KLHL2: variants seen among roughly 807,000 people sequenced by gnomAD.
KLHL2 encodes the protein kelch like family member 2.
In KLHL2, 15 loss-of-function variants were observed where a neutral mutation model predicts 75.8. The ratio of observed to expected loss-of-function variants is 0.20; its 90% CI spans 0.13 to 0.30. KLHL2 has a LOEUF of 0.30. Among genes scored for constraint, KLHL2 ranks in the 10% least tolerant of loss-of-function variants. The probability of loss-of-function intolerance (pLI) is 1.00; values close to 1 mark genes in which losing one functional copy is unlikely to be tolerated. For synonymous variants in KLHL2, 214 were observed against 251.9 expected (o/e 0.85, Z 1.42); for missense variants, 381 against 741.0 (o/e 0.51, Z 5.64).
Position 165,263,339 on chromosome 4 carries a change from A to G in KLHL2, c.524A>G (p.Asn175Ser), listed in dbSNP as rs1358764564. 1 of 1,613,960 alleles carries G rather than the reference A, an allele frequency of 6.2e-7. No individual in the cohort carries two copies. The highest frequency in any genetic ancestry group is 2.2e-5 in the East Asian group (1 of 44,888). ...ATGCATGCATGTACCGACCTTCTGA[A>G]CAAGGCCAACACCTATGCAGGCAAG... The part of the protein sequence containing the change: ...ADMHACTDLL[N>S]KANTYAEQHF... Residue 175 changes from asparagine to serine, a missense_variant, in exon 5 of 15, where the codon AAC becomes AGC. Physicochemically the swap from Asn to Ser is conservative, Grantham distance 46. This residue lies in a region of KLHL2 where 51 missense variants were observed against 101.3 expected (regional missense o/e 0.50). Transcript: ENST00000226725.
At chr4:165,224,808 G>C (rs1738304487) in intron 2 of KLHL2, among the ~76,000 whole-genome samples, 1 of 151,998 alleles carries the variant, frequency 6.6e-6, no homozygotes, top group Non-Finnish European at 1.5e-5. Context: ...AGAGTAAATG[G>C]GATATCCATG....
At chr4:165,304,986 G>A (rs1036536504) in intron 8 of KLHL2, among the ~76,000 whole-genome samples, 4 of 152,132 alleles carry the variant, frequency 2.6e-5, no homozygotes, top group African/African-American at 9.7e-5. Context: ...AGACTTTTAT[G>A]TATTTGTTCA....
At chr4:165,208,140 CG>C (rs1736958734) in intron 1 of KLHL2, among the ~76,000 whole-genome samples, 1 of 151,980 alleles carries the variant, frequency 6.6e-6, no homozygotes, top group African/African-American at 2.4e-5. Context: ...TTCCCCATCT[CG>C]GGCGGATAGA....
intron 4 of KLHL2, among the ~76,000 whole-genome samples, chr4:165,241,351 A>G (rs1027714029): frequency 6.6e-6 from 1 of 152,198 alleles, no homozygotes; most frequent in Admixed American, 6.5e-5. Flanking sequence ...TTTTTTGTCA[A>G]TCTATATTTT....
intron 3 of KLHL2, among the ~76,000 whole-genome samples, chr4:165,232,403 GGCGACAGA>G (rs1560989879): frequency 6.6e-6 from 1 of 151,012 alleles, no homozygotes; most frequent in African/African-American, 2.4e-5. Context: ...ATCCAGCCTG[GGCGACAGA>G]GCAAGACTCT....
At chr4:165,258,429 T>G (rs1366448665) in intron 4 of KLHL2, among the ~76,000 whole-genome samples, 3 of 148,074 alleles carry the variant, frequency 2.0e-5, no homozygotes, top group South Asian at 2.1e-4. Flanking sequence ...ATAGAGTGCC[T>G]TGGGGTTATT....
chr4:165,217,245 T>C (rs1247002165), intron 1 of KLHL2, among the ~76,000 whole-genome samples: 4 of 152,236 alleles, frequency 2.6e-5, no homozygotes, highest in Admixed American at 6.5e-5. Context: ...CAGTGTTACA[T>C]GGTTAGAAAG....
At chr4:165,243,977 T>C (rs550227814) in intron 4 of KLHL2, among the ~76,000 whole-genome samples, 1 of 152,314 alleles carries the variant, frequency 6.6e-6, no homozygotes, top group Admixed American at 6.5e-5. Context: ...TAAAACTAAG[T>C]GTGGTAAGCT....
At chr4:165,262,388 T>TA (rs1399989204) in intron 4 of KLHL2, among the ~76,000 whole-genome samples, 1 of 152,218 alleles carries the variant, frequency 6.6e-6, no homozygotes, top group Non-Finnish European at 1.5e-5. Flanking sequence ...AAGCAGTTGT[T>TA]ATGATACTCA....
chr4:165,287,448 G>A (rs1387131893), intron 5 of KLHL2, among the ~76,000 whole-genome samples: 2 of 152,164 alleles, frequency 1.3e-5, no homozygotes, highest in East Asian at 1.9e-4. Context: ...TCATGCTTCT[G>A]TGAACATGGG....
chr4:165,305,507 C>G (rs907602874), intron 8 of KLHL2, 101 bp from the exon 9 acceptor site: 15 of 942,798 alleles, frequency 1.6e-5, no homozygotes, highest in Non-Finnish European at 2.6e-5. Context: ...ACCCTATCAT[C>G]TTCATCCTAA....
chr4:165,234,295 A>T (rs180921536), intron 3 of KLHL2, among the ~76,000 whole-genome samples: 1 of 152,348 alleles, frequency 6.6e-6, no homozygotes, highest in Non-Finnish European at 1.5e-5. Flanking sequence ...ATTAGAGTAG[A>T]TGACAAGTGG....
At position 165,293,171 on chromosome 4, in the gene KLHL2, T is replaced by G. The variant is rs192443419; in HGVS notation, c.545-1188T>G. ...GGCAGATTTGCAAGAAAGGTTATTT[T>G]ACAAAAGATTCGTTCTTTGTAAGGT... On this transcript the variant is annotated intron_variant, in intron 5 of 14. Coordinates refer to ENST00000226725, the MANE Select transcript of KLHL2 (RefSeq NM_007246.4). 4.7e-4 allele frequency among the ~76,000 whole-genome samples: 71 copies of G among 152,324 alleles called. No homozygotes were observed. In the East Asian group the frequency reaches 0.011, roughly 24 times the overall value.
chr4:165,264,713 T>TATATATAC (rs1190846733), intron 5 of KLHL2, among the ~76,000 whole-genome samples: 1 of 74,448 alleles, frequency 1.3e-5, no homozygotes, highest in African/African-American at 5.2e-5. Context: ...TGTATATATA[T>TATATATAC]ATATATACAT....
chr4:165,241,137 A>C (rs944961111), intron 4 of KLHL2, among the ~76,000 whole-genome samples: 1 of 152,188 alleles, frequency 6.6e-6, no homozygotes, highest in Non-Finnish European at 1.5e-5. Context: ...TAAGAGGGAG[A>C]GGGATATCTC....
chr4:165,313,748 T>G (rs1197139559), intron 12 of KLHL2, among the ~76,000 whole-genome samples: 1 of 152,156 alleles, frequency 6.6e-6, no homozygotes, highest in Non-Finnish European at 1.5e-5. Flanking sequence ...AGGATTACAT[T>G]AAAGGACTTT....
chr4:165,257,968 A>C (rs1741319025), intron 4 of KLHL2, among the ~76,000 whole-genome samples: 1 of 151,994 alleles, frequency 6.6e-6, no homozygotes, highest in South Asian at 2.1e-4. Flanking sequence ...TGGTGAGAAC[A>C]CCAGGGTTCT....
intron 3 of KLHL2, among the ~76,000 whole-genome samples, chr4:165,238,147 TAGA>T (rs1425929680): frequency 2.0e-5 from 3 of 152,252 alleles, no homozygotes; most frequent in African/African-American, 4.8e-5. Flanking sequence ...GAATCTGAGC[TAGA>T]AGATCTCTGT....
At chr4:165,251,668 G>T (rs1180768346) in intron 4 of KLHL2, among the ~76,000 whole-genome samples, 1 of 145,316 alleles carries the variant, frequency 6.9e-6, no homozygotes, top group Non-Finnish European at 1.5e-5. Flanking sequence ...GGAGTGCAGT[G>T]GCGGGATCTC....
Sources: allele counts gnomAD v4.1 joint callset (sites outside exome capture counted in the v4.1 genomes callset), GRCh38; gene constraint gnomAD v4.1.1; regional missense constraint gnomAD v4.1.1; transcripts MANE v1.5; gene names NCBI Gene and HGNC (gene_info 2026-07-23, HGNC 2026-07-21).